The following THSD7B variants were observed in gnomAD, a reference collection of about 807,000 sequenced individuals.
The protein encoded by THSD7B is thrombospondin type-1 domain-containing protein 7B.
THSD7B carries 138 observed loss-of-function variants against 213.6 expected under a neutral mutation model. The ratio of observed to expected loss-of-function variants is 0.65; its 90% CI spans 0.56 to 0.74. The LOEUF (loss-of-function observed/expected upper bound fraction) is 0.74, where lower values mean the gene tolerates loss of function less well. Ranked by LOEUF, THSD7B falls within the 30% of genes least tolerant of loss-of-function variation. The pLI is 0.00. For synonymous variants in THSD7B, 742 were observed against 687.0 expected (o/e 1.08, Z -1.25); for missense variants, 1,931 against 1,991.5 (o/e 0.97, Z 0.58).
chr2:137,550,762 AG>A (rs1680831311), intron 15 of THSD7B, among the ~76,000 whole-genome samples: 1 of 152,056 alleles, frequency 6.6e-6, no homozygotes, highest in South Asian at 2.1e-4. Context: ...TTTAGCTTGG[AG>A]TAGGGGTTGG....
intron 12 of THSD7B, among the ~76,000 whole-genome samples, chr2:137,368,264 C>T (rs1402732202): frequency 6.7e-6 from 1 of 148,370 alleles, no homozygotes; most frequent in South Asian, 2.1e-4. Context: ...TCTAGATTTA[C>T]AAAAAAAAAA....
rs1353749567 is a variant in THSD7B, at chr2:137,094,863, T to G, written c.951-10T>G. ...TATGGCCTCCTATTTTCTACTTCTGTTTTTTTCAGCCTTTGCCTTCAAGAT... is the reference window on the plus strand; with the variant it reads ...TATGGCCTCCTATTTTCTACTTCTGGTTTTTTCAGCCTTTGCCTTCAAGAT... On this transcript the variant is annotated splice_polypyrimidine_tract_variant and intron_variant, in intron 3 of 27. Coordinates refer to ENST00000409968, the MANE Select transcript of THSD7B (RefSeq NM_001316349.2). 1 of 1,607,666 alleles carries G rather than the reference T, an allele frequency of 6.2e-7. No homozygotes were observed. The highest frequency in any genetic ancestry group is 8.5e-7 in the Non-Finnish European group (1 of 1,175,348).
intron 12 of THSD7B, among the ~76,000 whole-genome samples, chr2:137,333,685 G>A (rs1684568286): frequency 2.6e-5 from 4 of 152,194 alleles, no homozygotes; most frequent in Admixed American, 2.6e-4. Flanking sequence ...TGTGTGATTA[G>A]TGGATTAATC....
At chr2:136,766,969 G>A (rs1429366869) in intron 1 of THSD7B, among the ~76,000 whole-genome samples, 2 of 145,084 alleles carry the variant, frequency 1.4e-5, no homozygotes, top group African/African-American at 5.0e-5. Flanking sequence ...AGACTGTGGT[G>A]GGGTGTGTGT....
At chr2:137,127,668 G>A (rs1359019835) in intron 5 of THSD7B, among the ~76,000 whole-genome samples, 3 of 152,246 alleles carry the variant, frequency 2.0e-5, no homozygotes, top group East Asian at 1.9e-4. Context: ...TGTAATCTCA[G>A]CACTTTGATA....
intron 14 of THSD7B, among the ~76,000 whole-genome samples, chr2:137,420,726 C>T (rs1686905433): frequency 6.6e-6 from 1 of 152,188 alleles, no homozygotes; most frequent in Non-Finnish European, 1.5e-5. Flanking sequence ...AATTTTAATT[C>T]ACATATGTGA....
chr2:137,110,746 A>G (rs1356707061), intron 4 of THSD7B, among the ~76,000 whole-genome samples: 1 of 152,166 alleles, frequency 6.6e-6, no homozygotes, highest in Non-Finnish European at 1.5e-5. Context: ...TTAACTTGCA[A>G]TTACAGCCAT....
chr2:137,331,811 G>A (rs1031270567), intron 12 of THSD7B, among the ~76,000 whole-genome samples: 2 of 152,192 alleles, frequency 1.3e-5, no homozygotes, highest in Admixed American at 6.5e-5. Flanking sequence ...GGCTGGTACT[G>A]CTGGGGGACC....
chr2:137,347,982 A>C (rs1271957413), intron 12 of THSD7B, among the ~76,000 whole-genome samples: 1 of 151,412 alleles, frequency 6.6e-6, no homozygotes, highest in Non-Finnish European at 1.5e-5. Context: ...AAAAAAAAAC[A>C]TAGAAAGCAT....
At chr2:136,824,327 A>T in intron 1 of THSD7B, among the ~76,000 whole-genome samples, 1 of 152,174 alleles carries the variant, frequency 6.6e-6, no homozygotes, top group Non-Finnish European at 1.5e-5. Flanking sequence ...AAGTACATAT[A>T]TATGTACTTT....
chr2:137,655,746 A>G, intron 22 of THSD7B, 86 bp downstream of exon 22: 1 of 1,393,778 alleles, frequency 7.2e-7, no homozygotes, highest in Middle Eastern at 2.3e-4. Context: ...GCTCTAGCTC[A>G]TCAAAATTAA....
At chr2:137,284,437 G>T (rs1317783368) in intron 12 of THSD7B, among the ~76,000 whole-genome samples, 2 of 152,002 alleles carry the variant, frequency 1.3e-5, no homozygotes, top group African/African-American at 4.8e-5. Flanking sequence ...CTTGCCTTCT[G>T]CTAGCTTTTG....
chr2:137,493,423 A>T (rs1038965881), intron 15 of THSD7B, among the ~76,000 whole-genome samples: 5 of 152,194 alleles, frequency 3.3e-5, no homozygotes, highest in African/African-American at 1.2e-4. Context: ...TCTGAGGCTA[A>T]TGACCTGCAA....
chr2:137,279,605 T>C (rs998351921), intron 12 of THSD7B, among the ~76,000 whole-genome samples: 48 of 152,104 alleles, frequency 3.2e-4, no homozygotes, highest in African/African-American at 1.1e-3. Context: ...TTTAAGTAAA[T>C]GCGTTGCAAA....
At chr2:137,571,863 C>T (rs531724638) in intron 16 of THSD7B, among the ~76,000 whole-genome samples, 22 of 152,048 alleles carry the variant, frequency 1.4e-4, no homozygotes, top group Non-Finnish European at 2.9e-4. Flanking sequence ...GCAGAAGTTA[C>T]CTGAAAGAAT....
chr2:137,383,844 TCA>T (rs1685832689), intron 12 of THSD7B, among the ~76,000 whole-genome samples: 1 of 152,132 alleles, frequency 6.6e-6, no homozygotes, highest in African/African-American at 2.4e-5. Flanking sequence ...CCCTCAGACC[TCA>T]GTTAGAACCT....
At chr2:137,063,421 T>C (rs537170735) in intron 3 of THSD7B, among the ~76,000 whole-genome samples, 5 of 152,184 alleles carry the variant, frequency 3.3e-5, no homozygotes, top group African/African-American at 1.2e-4. Context: ...TAGGTGTATA[T>C]ATTTATGGGT....
intron 12 of THSD7B, among the ~76,000 whole-genome samples, chr2:137,341,943 T>A (rs928963469): frequency 6.6e-6 from 1 of 151,654 alleles, no homozygotes; most frequent in Non-Finnish European, 1.5e-5. Flanking sequence ...TTTGTTTTTT[T>A]ATCATGATTG....
chr2:136,885,730 T>C (rs564538866), intron 2 of THSD7B, among the ~76,000 whole-genome samples: 1 of 152,336 alleles, frequency 6.6e-6, no homozygotes, highest in Non-Finnish European at 1.5e-5. Flanking sequence ...GAGTCCTTAC[T>C]GTGTGTCAAG....
Sources: allele counts gnomAD v4.1 joint callset (sites outside exome capture counted in the v4.1 genomes callset), GRCh38; gene constraint gnomAD v4.1.1; transcripts MANE v1.5; gene names NCBI Gene and HGNC (gene_info 2026-07-23, HGNC 2026-07-21).